CFAP77: variants seen among roughly 807,000 people sequenced by gnomAD.
CFAP77 encodes cilia and flagella associated protein 77.
A neutral mutation model predicts 31.1 loss-of-function variants in CFAP77; 25 were observed. The ratio of observed to expected loss-of-function variants is 0.80; its 90% confidence interval spans 0.59 to 1.12. CFAP77 has a LOEUF of 1.12. CFAP77 is among the 50% of genes most tolerant of loss of function. CFAP77 has a pLI of 0.00. For synonymous variants in CFAP77, 151 were observed against 159.9 expected (o/e 0.94, Z 0.42); for missense variants, 377 against 397.3 (o/e 0.95, Z 0.44).
intron 3 of CFAP77, among the ~76,000 whole-genome samples, chr9:132,531,384 G>A (rs1852447134): frequency 6.6e-6 from 1 of 152,194 alleles, no homozygotes; most frequent in African/African-American, 2.4e-5. Flanking sequence ...GCGTGGGAGG[G>A]CGCCGGACCA....
At chr9:132,431,296 A>C (rs56280889) in intron 1 of CFAP77, among the ~76,000 whole-genome samples, 1 of 152,192 alleles carries the variant, frequency 6.6e-6, no homozygotes, top group Non-Finnish European at 1.5e-5. Context: ...AAAATGTTTT[A>C]AAAGAACATA....
At chr9:132,491,905 C>CA (rs1851659302) in intron 1 of CFAP77, among the ~76,000 whole-genome samples, 1 of 152,078 alleles carries the variant, frequency 6.6e-6, no homozygotes, top group Non-Finnish European at 1.5e-5. Context: ...TTGCAATTTC[C>CA]AAAAACATAT....
chr9:132,478,196 A>C (rs149951556), intron 1 of CFAP77, among the ~76,000 whole-genome samples: 27 of 152,016 alleles, frequency 1.8e-4, no homozygotes, highest in African/African-American at 6.0e-4. Flanking sequence ...CCCTTTGCTG[A>C]TTTTAGCCTG....
intron 5 of CFAP77, among the ~76,000 whole-genome samples, chr9:132,563,861 G>A (rs1319430876): frequency 6.6e-6 from 1 of 152,194 alleles, no homozygotes; most frequent in African/African-American, 2.4e-5. Context: ...GCTGGGTTGA[G>A]CATACTGTCC....
intron 3 of CFAP77, among the ~76,000 whole-genome samples, chr9:132,533,829 T>TGA (rs1361265112): frequency 2.4e-4 from 36 of 152,036 alleles, no homozygotes; most frequent in Admixed American, 2.3e-3. Flanking sequence ...TGCAGTGAGC[T>TGA]GAGATCCCAC....
intron 5 of CFAP77, among the ~76,000 whole-genome samples, chr9:132,550,046 G>A (rs1469873284): frequency 6.6e-6 from 1 of 152,166 alleles, no homozygotes; most frequent in Non-Finnish European, 1.5e-5. Context: ...GGGAATAGCG[G>A]CCAAGTTCCT....
rs898720689 is a variant in CFAP77 at position 132,497,245 on chromosome 9, C to G, written c.196-1450C>G. 3.3e-5 allele frequency among the ~76,000 whole-genome samples: 5 copies of G among 152,084 alleles called. No homozygotes were observed. Among genetic ancestry groups the G allele is most frequent in the Admixed American group, 2.6e-4 (4 of 15,268 alleles). On this transcript the variant is annotated intron_variant, in intron 1 of 5. Transcript: ENST00000393216. The surrounding 1 kb of genome is among the most constrained non-coding windows in gnomAD (Gnocchi z 4.9). ...CAGAGGGAAGGGTTTATTTCAGAGGCAGTGATGAGCCACGCTGGGTGGTCC... is the reference window on the plus strand; with the variant it reads ...CAGAGGGAAGGGTTTATTTCAGAGGGAGTGATGAGCCACGCTGGGTGGTCC...
rs1851755737 is a variant in CFAP77 at position 132,497,098 on chromosome 9, T to G, written c.196-1597T>G. 6.7e-6 allele frequency among the ~76,000 whole-genome samples: 1 copy of G among 148,594 alleles called. No homozygotes were observed. Among genetic ancestry groups the G allele is most frequent in the Non-Finnish European group, 1.5e-5 (1 of 67,632 alleles). ...GAGCAATGGAGGTGGCTGGGATGCC[T>G]GCGATCCTTCAGATGAGGGGGAGTG... is the stretch of plus-strand genomic sequence containing the variant. On this transcript the variant is annotated intron_variant, in intron 1 of 5. Transcript: ENST00000393216. This position sits in a 1 kb window ranked among gnomAD's most constrained non-coding sequence, Gnocchi z 4.9.
At chr9:132,483,431 C>T (rs1048423356) in intron 1 of CFAP77, among the ~76,000 whole-genome samples, 1 of 152,168 alleles carries the variant, frequency 6.6e-6, no homozygotes, top group African/African-American at 2.4e-5. Context: ...CTCTGACCCA[C>T]GAGGGGTTGT....
chr9:132,572,314 A>T, intron 5 of CFAP77, 74 bp from the exon 6 acceptor site: 1 of 1,493,068 alleles, frequency 6.7e-7, no homozygotes, highest in Non-Finnish European at 9.1e-7. Context: ...AGCAGGGGGC[A>T]GGCGAGGGGA....
intron 5 of CFAP77, among the ~76,000 whole-genome samples, chr9:132,562,759 G>C (rs1295465012): frequency 6.6e-6 from 1 of 151,942 alleles, no homozygotes; most frequent in Non-Finnish European, 1.5e-5. Context: ...GAGTGCAGTG[G>C]CACAATCTCA....
Position 132,545,952 on chromosome 9 carries a change from A to C in CFAP77, c.732+2905A>C, listed in dbSNP as rs1376375774. ...CCTTTCTTCCCCTTCACGGCACTTA[A>C]CTCTGCAATTAATTAACTGGGCAAT... On this transcript the variant is annotated intron_variant, in intron 5 of 5. Coordinates refer to ENST00000393216, the MANE Select transcript of CFAP77 (RefSeq NM_001282957.2). The surrounding 1 kb of genome is among the most constrained non-coding windows in gnomAD (Gnocchi z 4.6). 6.6e-6 allele frequency among the ~76,000 whole-genome samples: 1 copy of C among 151,770 alleles called. No individual in the cohort carries two copies. The highest frequency in any genetic ancestry group is 1.5e-5 in the Non-Finnish European group (1 of 67,942).
In CFAP77 at chr9:132,545,160, C is replaced by T. The variant is rs1284017909; in HGVS notation, c.732+2113C>T. On this transcript the variant is annotated intron_variant, in intron 5 of 5. Coordinates refer to ENST00000393216, the MANE Select transcript of CFAP77 (RefSeq NM_001282957.2). The surrounding 1 kb of genome is among the most constrained non-coding windows in gnomAD (Gnocchi z 4.6). ...CAAAGAGGGGATTTGACTCAGCTGA[C>T]CATGGGTCTGCCAGTCTTGAGACCG... Among the ~76,000 whole-genome samples, 1 of 152,256 alleles carries T rather than the reference C, an allele frequency of 6.6e-6. No individual in the cohort carries two copies. Among genetic ancestry groups the T allele is most frequent in the Non-Finnish European group, 1.5e-5 (1 of 68,050 alleles).
In CFAP77 at chr9:132,499,972, A is replaced by G. The variant is rs1470644383; in HGVS notation, c.524+372A>G. 6.6e-6 allele frequency among the ~76,000 whole-genome samples: 1 copy of G among 152,078 alleles called. No homozygotes were observed. Among genetic ancestry groups the G allele is most frequent in the Non-Finnish European group, 1.5e-5 (1 of 67,996 alleles). ...TCGAGGCCAGGCTGGTCAACGTGGC[A>G]AAACCCCGTCTCTACAAAAAAATTT... is the stretch of plus-strand genomic sequence containing the variant. On this transcript the variant is annotated intron_variant, in intron 3 of 5. Coordinates refer to ENST00000393216, the MANE Select transcript of CFAP77 (RefSeq NM_001282957.2). This position sits in a 1 kb window ranked among gnomAD's most constrained non-coding sequence, Gnocchi z 5.4.
intron 1 of CFAP77, among the ~76,000 whole-genome samples, chr9:132,456,412 C>T (rs552242892): frequency 3.9e-5 from 6 of 152,320 alleles, no homozygotes; most frequent in East Asian, 1.9e-4. Flanking sequence ...ATATTCCCTA[C>T]GGCGCCTCCT....
chr9:132,482,179 C>T, intron 1 of CFAP77: 1 of 607,176 alleles, frequency 1.6e-6, no homozygotes, highest in Non-Finnish European at 2.9e-6. Flanking sequence ...TTCTCTCTTT[C>T]TTTCTTTCTT....
intron 5 of CFAP77, among the ~76,000 whole-genome samples, chr9:132,559,117 G>A (rs961435398): frequency 1.3e-5 from 2 of 152,024 alleles, no homozygotes; most frequent in Non-Finnish European, 2.9e-5. Flanking sequence ...GGCTGAGGTG[G>A]GTGGATCATG....
chr9:132,438,225 A>G (rs1223718945), intron 1 of CFAP77, among the ~76,000 whole-genome samples: 1 of 148,934 alleles, frequency 6.7e-6, no homozygotes, highest in Non-Finnish European at 1.5e-5. Context: ...AAAAAAAGAC[A>G]TTGGAAAATA....
intron 1 of CFAP77, among the ~76,000 whole-genome samples, chr9:132,411,283 C>G (rs972772419): frequency 2.0e-5 from 3 of 152,226 alleles, no homozygotes; most frequent in Admixed American, 2.0e-4. Context: ...GCCCCGCGTC[C>G]CAGGTGCGGG....
Sources: allele counts gnomAD v4.1 joint callset (sites outside exome capture counted in the v4.1 genomes callset), GRCh38; gene constraint gnomAD v4.1.1; non-coding constraint Gnocchi (gnomAD v3.1); transcripts MANE v1.5; gene names NCBI Gene and HGNC (gene_info 2026-07-23, HGNC 2026-07-21).